The following PSD3 variants were observed in gnomAD, a reference collection of about 807,000 sequenced individuals.
PSD3 encodes pleckstrin and Sec7 domain containing 3, also known as PH and SEC7 domain-containing protein 3.
A neutral mutation model predicts 105.5 loss-of-function variants in PSD3; 49 were observed. The ratio of observed to expected loss-of-function variants is 0.46; its 90% CI spans 0.37 to 0.59. The LOEUF is 0.59. Among genes scored for constraint, PSD3 ranks in the 20% least tolerant of loss-of-function variants. The pLI, the probability that PSD3 is intolerant of heterozygous loss-of-function variation, is 0.00. For missense variants in PSD3, 1,561 were observed against 1,263.8 expected, an observed-to-expected ratio of 1.24 and a Z score of -3.57; for synonymous variants, 557 against 457.8, an observed-to-expected ratio of 1.22 and a Z score of -2.77.
intron 14 of PSD3, among the ~76,000 whole-genome samples, chr8:18,567,153 C>A (rs1270621285): frequency 6.6e-6 from 1 of 152,158 alleles, no homozygotes; most frequent in Non-Finnish European, 1.5e-5. Flanking sequence ...TAGTTCAACT[C>A]ACCTTCTCCC....
At chr8:19,024,017 C>T (rs1586640111) in intron 1 of PSD3, among the ~76,000 whole-genome samples, 1 of 152,132 alleles carries the variant, frequency 6.6e-6, no homozygotes, top group Non-Finnish European at 1.5e-5. Context: ...CTGTTTCATG[C>T]CTGAAAAATT....
At chr8:18,869,090 G>C (rs1331794630) in intron 3 of PSD3, among the ~76,000 whole-genome samples, 1 of 151,490 alleles carries the variant, frequency 6.6e-6, no homozygotes, top group Non-Finnish European at 1.5e-5. Flanking sequence ...CCAAATGCTT[G>C]TTCTTAATGG....
At chr8:18,562,339 T>C (rs1421481832) in intron 14 of PSD3, among the ~76,000 whole-genome samples, 1 of 152,188 alleles carries the variant, frequency 6.6e-6, no homozygotes, top group Admixed American at 6.5e-5. Flanking sequence ...ATTGCTCCAG[T>C]TCAGACAAAA....
intron 4 of PSD3, among the ~76,000 whole-genome samples, chr8:18,810,864 A>G (rs1370657167): frequency 5.9e-5 from 9 of 152,246 alleles, no homozygotes; most frequent in Non-Finnish European, 1.3e-4. Context: ...CCAACAGACA[A>G]GAGGGCGGGT....
intron 11 of PSD3, among the ~76,000 whole-genome samples, chr8:18,613,908 G>C (rs17518444): frequency 0.033 from 5,002 of 152,318 alleles, 80 homozygotes; most frequent in East Asian, 0.058. Flanking sequence ...CTATGGACTT[G>C]TGCTAAGCCG....
intron 10 of PSD3, among the ~76,000 whole-genome samples, chr8:18,647,340 A>T (rs7822186): frequency 0.26 from 40,263 of 152,160 alleles, 5,667 homozygotes; most frequent in South Asian, 0.46. Flanking sequence ...TAGCCAGAAC[A>T]ATTTAATATG....
chr8:18,630,964 C>T (rs1806853446), intron 11 of PSD3, among the ~76,000 whole-genome samples: 1 of 151,854 alleles, frequency 6.6e-6, no homozygotes, highest in African/African-American at 2.4e-5. Context: ...CTTGAGTGTC[C>T]TTGGATTTTG....
At chr8:18,963,933 G>A (rs1257861676) in intron 1 of PSD3, among the ~76,000 whole-genome samples, 1 of 152,120 alleles carries the variant, frequency 6.6e-6, no homozygotes, top group Non-Finnish European at 1.5e-5. Context: ...GATGGTGTTT[G>A]TTTCAGGTAA....
At chr8:19,008,439 G>C (rs1454861058) in intron 1 of PSD3, among the ~76,000 whole-genome samples, 2 of 152,114 alleles carry the variant, frequency 1.3e-5, no homozygotes, top group African/African-American at 4.8e-5. Context: ...ACACAGTCAC[G>C]AAGACAGCAG....
At chr8:18,981,085 T>C (rs6586790) in intron 1 of PSD3, among the ~76,000 whole-genome samples, 126,484 of 152,080 alleles carry the variant, frequency 0.83, 52,727 homozygotes, top group Middle Eastern at 0.91. Flanking sequence ...CTTTGTTATG[T>C]CTGTCTTCCC....
At chr8:18,925,799 G>T (rs1306101519) in intron 2 of PSD3, among the ~76,000 whole-genome samples, 1 of 152,168 alleles carries the variant, frequency 6.6e-6, no homozygotes, top group Non-Finnish European at 1.5e-5. Flanking sequence ...CCATCCAGCA[G>T]AAAGCCTCCT....
intron 2 of PSD3, among the ~76,000 whole-genome samples, chr8:18,876,378 T>C (rs1362255099): frequency 6.6e-6 from 1 of 152,104 alleles, no homozygotes; most frequent in East Asian, 1.9e-4. Flanking sequence ...AGGGTCTAAA[T>C]ACATTTTTTC....
intron 9 of PSD3, among the ~76,000 whole-genome samples, chr8:18,724,236 T>C (rs1328898677): frequency 6.6e-6 from 1 of 152,066 alleles, no homozygotes; most frequent in Non-Finnish European, 1.5e-5. Flanking sequence ...CAGCGGTCTA[T>C]AAATGGAAGA....
At position 18,871,747 on chromosome 8, in the gene PSD3, C is replaced by G; in HGVS notation, c.1117G>C (p.Gly373Arg). ...GGGGAAAATGTCCCCGAGCTAGTGC[C>G]AGGCCTCTCTGAAGGAGCTTTCCAG... ...ESWKAPSERP[G>R]TSSGTFSPVR... is the part of the protein sequence containing the mutation. Residue 373 changes from glycine (G) to arginine (R), a missense_variant, in exon 3 of 16, where the codon GGC becomes CGC. By Grantham distance (125) the Gly-to-Arg change is moderately radical (BLOSUM62 -2). Transcript: ENST00000327040. 6.2e-7 allele frequency: 1 copy of G among 1,614,146 alleles called. No individual in the cohort carries two copies. Among genetic ancestry groups the G allele is most frequent in the Non-Finnish European group, 8.5e-7 (1 of 1,180,020 alleles).
At chr8:18,581,716 C>T (rs1377618863) in intron 12 of PSD3, among the ~76,000 whole-genome samples, 1 of 152,212 alleles carries the variant, frequency 6.6e-6, no homozygotes, top group Non-Finnish European at 1.5e-5. Context: ...AGTCCACTAG[C>T]CATTCATTGC....
chr8:19,025,963 G>A (rs754042145), intron 1 of PSD3, among the ~76,000 whole-genome samples: 2 of 152,170 alleles, frequency 1.3e-5, no homozygotes, highest in Non-Finnish European at 2.9e-5. Context: ...ACAGTTCCAC[G>A]TGGCTGGGGA....
rs1034823012 is a variant in PSD3, at chr8:19,013,654, A to G, written c.-71T>C. 4.6e-5 allele frequency: 57 copies of G among 1,227,858 alleles called. No individual in the cohort carries two copies. The Admixed American group carries it at 8.5e-4, about 18-fold the overall frequency. The allele number at this position is 1,227,858 out of a possible 1,614,324, so 76.1% of individuals were successfully genotyped here. A position where few individuals can be genotyped will look rare whatever the true frequency, so the allele number is the denominator to read the frequency against. On this transcript the variant is annotated 5_prime_UTR_variant, in exon 1 of 16. Coordinates refer to ENST00000327040, the MANE Select transcript of PSD3 (RefSeq NM_015310.4). ...TCCGGGGCCGCAGCCTCAGGGCGCG[A>G]GTGCCGGCGGCCAGCGCCGCGTGCT...
chr8:18,744,880 C>T (rs972628365), intron 9 of PSD3, among the ~76,000 whole-genome samples: 2 of 152,176 alleles, frequency 1.3e-5, no homozygotes, highest in African/African-American at 4.8e-5. Flanking sequence ...GGTGACAGTT[C>T]TTCAGTATTC....
intron 1 of PSD3, among the ~76,000 whole-genome samples, chr8:19,080,106 C>G (rs1470582345): frequency 6.6e-6 from 1 of 152,136 alleles, no homozygotes; most frequent in African/African-American, 2.4e-5. Context: ...GCAGGCTGAA[C>G]TCAGACTCCT....
Sources: gnomAD v4.1 joint callset for allele counts (sites outside exome capture counted in the v4.1 genomes callset) on GRCh38, gnomAD v4.1.1 for gene constraint, MANE v1.5 for transcripts, NCBI Gene and HGNC (gene_info 2026-07-23, HGNC 2026-07-21) for gene names.